Variants in KCNT2 observed in about 807,000 individuals in gnomAD.
The protein encoded by KCNT2 is potassium channel subfamily T member 2.
Under a neutral mutation model 153.8 loss-of-function variants are expected in KCNT2, and 67 were observed. The ratio of observed to expected loss-of-function variants is 0.44; its 90% CI spans 0.36 to 0.53. KCNT2 has a LOEUF of 0.53. Among genes scored for constraint, KCNT2 ranks in the 20% least tolerant of loss-of-function variants. The pLI is 0.00. For missense variants in KCNT2, 975 were observed against 1,354.8 expected, an observed-to-expected ratio of 0.72 and a Z score of 4.40; for synonymous variants, 500 against 458.8, an observed-to-expected ratio of 1.09 and a Z score of -1.15.
At chr1:196,281,608 C>T (rs1659101892) in intron 24 of KCNT2, among the ~76,000 whole-genome samples, 1 of 152,124 alleles carries the variant, frequency 6.6e-6, no homozygotes, top group South Asian at 2.1e-4. Context: ...TAAATCTGAA[C>T]TGTTACCAAA....
chr1:196,233,110 G>C (rs531560700), intron 27 of KCNT2, among the ~76,000 whole-genome samples: 122 of 151,276 alleles, frequency 8.1e-4, no homozygotes, highest in South Asian at 4.2e-3. Flanking sequence ...CTATGTGAAG[G>C]GTCCAGGATG....
intron 1 of KCNT2, among the ~76,000 whole-genome samples, chr1:196,497,057 G>A (rs968459658): frequency 6.6e-6 from 1 of 152,028 alleles, no homozygotes. Flanking sequence ...TAGCACTTTT[G>A]GGGGGAAAAA....
chr1:196,381,315 T>C (rs1178174043), intron 13 of KCNT2, among the ~76,000 whole-genome samples: 1 of 152,030 alleles, frequency 6.6e-6, no homozygotes, highest in Non-Finnish European at 1.5e-5. Flanking sequence ...GTCTTAATAT[T>C]TTTGAAAAAT....
chr1:196,364,550 T>G (rs1456248671), intron 14 of KCNT2, among the ~76,000 whole-genome samples: 3 of 152,128 alleles, frequency 2.0e-5, no homozygotes, highest in Non-Finnish European at 4.4e-5. Context: ...GTGAAATAGT[T>G]TTTTGAGGAA....
intron 1 of KCNT2, among the ~76,000 whole-genome samples, chr1:196,593,179 G>A (rs955874993): frequency 2.7e-5 from 4 of 150,326 alleles, no homozygotes; most frequent in Admixed American, 6.7e-5. Context: ...ATGATGTTTC[G>A]TTTTCCATTC....
intron 22 of KCNT2, among the ~76,000 whole-genome samples, chr1:196,304,770 T>C (rs1227133738): frequency 1.3e-5 from 2 of 152,302 alleles, no homozygotes; most frequent in African/African-American, 2.4e-5. Context: ...AATATCATCA[T>C]TAAATTAAAT....
rs1293590116 is a variant in KCNT2, at chr1:196,504,228, T to TC, written c.96-11888dup. ...TAGGTATATCTCCTAATGCTATCCC[T>TC]CCCCCCTCCCCCCATCCCACAACAG... On this transcript the variant is annotated intron_variant, in intron 1 of 27. Coordinates refer to ENST00000294725, the MANE Select transcript of KCNT2 (RefSeq NM_198503.5). Among the ~76,000 whole-genome samples the TC allele has an allele frequency of 6.6e-5, 7 of 106,734 alleles. No individual in the cohort carries two copies. In the Admixed American group the frequency reaches 7.4e-4, roughly 11 times the overall value. 70.0% of individuals were successfully genotyped at this position (106,734 alleles called of 152,430 possible). A position where few individuals can be genotyped will look rare whatever the true frequency, so the allele number is the denominator to read the frequency against.
intron 1 of KCNT2, among the ~76,000 whole-genome samples, chr1:196,571,471 A>G (rs1294684660): frequency 1.3e-5 from 2 of 152,142 alleles, no homozygotes; most frequent in Admixed American, 6.5e-5. Flanking sequence ...AAGCCCTTTC[A>G]TGTGCAATTT....
chr1:196,572,324 G>C (rs1432829846), intron 1 of KCNT2, among the ~76,000 whole-genome samples: 1 of 152,064 alleles, frequency 6.6e-6, no homozygotes, highest in African/African-American at 2.4e-5. Flanking sequence ...CTAAACTTGG[G>C]TAGTAGTAGA....
chr1:196,463,061 T>C (rs1037558090), intron 8 of KCNT2, among the ~76,000 whole-genome samples: 2 of 151,652 alleles, frequency 1.3e-5, no homozygotes, highest in Non-Finnish European at 3.0e-5. Context: ...ACAGAAACCA[T>C]GTTTTGAAAA....
At chr1:196,444,095 T>C (rs1242755147) in intron 8 of KCNT2, among the ~76,000 whole-genome samples, 1 of 151,210 alleles carries the variant, frequency 6.6e-6, no homozygotes, top group African/African-American at 2.4e-5. Flanking sequence ...GCAAAAAACA[T>C]AAGAGAGAGA....
chr1:196,504,197 T>C (rs1680930694), intron 1 of KCNT2, among the ~76,000 whole-genome samples: 1 of 151,926 alleles, frequency 6.6e-6, no homozygotes, highest in Non-Finnish European at 1.5e-5. Context: ...ACGCGTCATC[T>C]AGCATTAGGT....
At chr1:196,238,708 C>A (rs1654670886) in intron 26 of KCNT2, among the ~76,000 whole-genome samples, 2 of 151,836 alleles carry the variant, frequency 1.3e-5, no homozygotes, top group South Asian at 4.1e-4. Flanking sequence ...GTTTAAGAAG[C>A]ATTTGGAGAA....
chr1:196,364,917 C>T (rs928062917), intron 14 of KCNT2, among the ~76,000 whole-genome samples: 1 of 152,016 alleles, frequency 6.6e-6, no homozygotes, highest in Non-Finnish European at 1.5e-5. Flanking sequence ...TACAATGTTG[C>T]AACTTTTTAA....
At chr1:196,240,779 A>C (rs1654879549) in intron 26 of KCNT2, among the ~76,000 whole-genome samples, 1 of 152,100 alleles carries the variant, frequency 6.6e-6, no homozygotes, top group Non-Finnish European at 1.5e-5. Context: ...TTTTATTCAA[A>C]GTGCAATGAG....
At chr1:196,408,118 T>C (rs1671985718) in intron 12 of KCNT2, among the ~76,000 whole-genome samples, 1 of 151,534 alleles carries the variant, frequency 6.6e-6, no homozygotes, top group Non-Finnish European at 1.5e-5. Context: ...ATCTTAACTG[T>C]TATTTCACTA....
chr1:196,483,719 T>C (rs1285344316), intron 3 of KCNT2, among the ~76,000 whole-genome samples: 1 of 152,140 alleles, frequency 6.6e-6, no homozygotes, highest in Non-Finnish European at 1.5e-5. Flanking sequence ...ATCACACCTT[T>C]CCTGCCACTC....
chr1:196,315,797 GTGTCTCA>G, intron 21 of KCNT2, 88 bp downstream of exon 21: 1 of 1,017,334 alleles, frequency 9.8e-7, no homozygotes, highest in Admixed American at 3.0e-5. Context: ...TAAAGTTGGT[GTGTCTCA>G]TGTTCATTCC....
chr1:196,484,811 G>A (rs1456192061), intron 3 of KCNT2, among the ~76,000 whole-genome samples: 11 of 152,042 alleles, frequency 7.2e-5, no homozygotes, highest in Admixed American at 7.2e-4. Context: ...AGAAACAATA[G>A]ATGCTGGAGA....
Sources: allele counts gnomAD v4.1 joint callset (sites outside exome capture counted in the v4.1 genomes callset), GRCh38; gene constraint gnomAD v4.1.1; transcripts MANE v1.5; gene names NCBI Gene and HGNC (gene_info 2026-07-23, HGNC 2026-07-21).